Variants in NT5DC3 observed in about 807,000 individuals in gnomAD.
NT5DC3 encodes 5'-nucleotidase domain containing 3, also known as 5'-nucleotidase domain-containing protein 3.
Under a neutral mutation model 67.8 loss-of-function variants are expected in NT5DC3, and 42 were observed. The ratio of observed to expected loss-of-function variants is 0.62; its 90% CI spans 0.48 to 0.80. NT5DC3 has a LOEUF of 0.80. Ranked by LOEUF, NT5DC3 falls within the 30% of genes least tolerant of loss-of-function variation. The pLI, the probability that NT5DC3 is intolerant of heterozygous loss-of-function variation, is 0.00. For missense variants in NT5DC3, 570 were observed against 696.4 expected (o/e 0.82, Z 2.04); for synonymous variants, 237 against 255.6 (o/e 0.93, Z 0.69).
chr12:103,748,921 C>T, the NT5DC3 span: 5 of 1,582,108 alleles, frequency 3.2e-6, no homozygotes, highest in African/African-American at 5.4e-5. Context: ...CCTAGTTCCA[C>T]AGAAGGTGGT....
chr12:103,759,517 C>G, the NT5DC3 span, among the ~76,000 whole-genome samples: 1 of 152,224 alleles, frequency 6.6e-6, no homozygotes, highest in East Asian at 1.9e-4. Context: ...CATTTTAAAG[C>G]TGATTCTCCG....
At chr12:103,766,437 G>A, downstream of NT5DC3, 1 of 1,346,486 alleles carries the variant, frequency 7.4e-7, no homozygotes, top group Non-Finnish European at 1.0e-6. Context: ...AGTCCTTTAA[G>A]CACTCAGAAG....
intron 1 of NT5DC3, among the ~76,000 whole-genome samples, chr12:103,817,385 T>G (rs967533967): frequency 6.6e-6 from 1 of 152,230 alleles, no homozygotes; most frequent in African/African-American, 2.4e-5. Flanking sequence ...CCTTTTATGA[T>G]GTTTATGCAC....
Position 103,780,272 on chromosome 12 carries a change from G to A in NT5DC3, c.1394+28C>T, listed in dbSNP as rs112672469. The A allele has an allele frequency of 1.1e-3, 1,748 of 1,592,824 alleles. 33 individuals are homozygous for A. The South Asian group carries it at 0.018, about 16-fold the overall frequency. On this transcript the variant is annotated intron_variant, in intron 13 of 13. Transcript: ENST00000392876. The stretch of plus-strand genomic sequence containing the variant: ...GCACAGCCAGAACAGGGTGGTGGAC[G>A]CGCACATTCAATACAGGCCTCTCTT...
the NT5DC3 span, among the ~76,000 whole-genome samples, chr12:103,764,848 A>G: frequency 6.6e-6 from 1 of 152,106 alleles, no homozygotes; most frequent in Non-Finnish European, 1.5e-5. Context: ...GTGTAATCCC[A>G]GCACTTTCGG....
At chr12:103,766,087 G>A (rs1287987462), downstream of NT5DC3, 1 of 712,944 alleles carries the variant, frequency 1.4e-6, no homozygotes, top group East Asian at 2.8e-5. Context: ...CTTCAAGCAG[G>A]AGAGACTAAA....
At position 103,791,972 on chromosome 12, in the gene NT5DC3, G is replaced by A. The variant is rs578205693; in HGVS notation, c.1019+1192C>T. ...CCGGCCCCTGGTGCCAAAAAGGTTG[G>A]GGACCCTGTGCCATAGGATGCACAG... is the stretch of plus-strand genomic sequence containing the variant. On this transcript the variant is annotated intron_variant, in intron 9 of 13. Coordinates refer to ENST00000392876, the MANE Select transcript of NT5DC3 (RefSeq NM_001031701.3). Among the ~76,000 whole-genome samples, 6 of 152,270 alleles carry A rather than the reference G, an allele frequency of 3.9e-5. No individual in the cohort carries two copies. In the East Asian group the frequency reaches 9.6e-4, roughly 24 times the overall value.
the NT5DC3 span, chr12:103,750,544 GA>G: frequency 6.2e-7 from 1 of 1,610,038 alleles, no homozygotes; most frequent in Non-Finnish European, 8.5e-7. Flanking sequence ...CCTAGAGAAG[GA>G]ACTTTTTCAT....
At chr12:103,748,709 C>T in the NT5DC3 span, among the ~76,000 whole-genome samples, 3 of 151,608 alleles carry the variant, frequency 2.0e-5, no homozygotes, top group Non-Finnish European at 4.4e-5. Flanking sequence ...ATACCAAAGT[C>T]AAGCCTGGAG....
intron 1 of NT5DC3, among the ~76,000 whole-genome samples, chr12:103,832,659 A>C (rs117653415): frequency 3.9e-5 from 6 of 152,176 alleles, no homozygotes; most frequent in African/African-American, 1.4e-4. Flanking sequence ...AACACTCAGC[A>C]GCAAAAGTCA....
chr12:103,819,074 T>G (rs1472069545), intron 1 of NT5DC3, among the ~76,000 whole-genome samples: 1 of 152,160 alleles, frequency 6.6e-6, no homozygotes, highest in Non-Finnish European at 1.5e-5. Flanking sequence ...TGTGAAGCCC[T>G]CAAGGAAAAA....
At chr12:103,817,933 C>T (rs977941252) in intron 1 of NT5DC3, among the ~76,000 whole-genome samples, 1 of 152,216 alleles carries the variant, frequency 6.6e-6, no homozygotes, top group African/African-American at 2.4e-5. Flanking sequence ...AAGCATTCCT[C>T]TTGCATAGTA....
At chr12:103,780,126 CAT>C (rs376174931) in intron 13 of NT5DC3, among the ~76,000 whole-genome samples, 172 bp downstream of exon 13, 9 of 152,326 alleles carry the variant, frequency 5.9e-5, no homozygotes, top group Non-Finnish European at 7.3e-5. Flanking sequence ...AAATTTGTCA[CAT>C]GTTACCAACA....
chr12:103,777,580 A>T lies in NT5DC3; in HGVS notation c.*249T>A, dbSNP rs1431002408. 3.8e-6 allele frequency: 2 copies of T among 522,806 alleles called. No homozygotes were observed. Among genetic ancestry groups the T allele is most frequent in the Non-Finnish European group, 6.7e-6 (2 of 298,870 alleles). 32.4% of individuals were successfully genotyped at this position (522,806 alleles called of 1,614,324 possible). On this transcript the variant is annotated 3_prime_UTR_variant, in exon 14 of 14. Coordinates refer to ENST00000392876, the MANE Select transcript of NT5DC3 (RefSeq NM_001031701.3). ...AACCTGATGTTCCAGGACCTCAGTA[A>T]ACAAAAAGGCAAAATCAGAGTTCCA...
At chr12:103,786,685 T>TC (rs1480246998) in intron 11 of NT5DC3, among the ~76,000 whole-genome samples, 1 of 148,654 alleles carries the variant, frequency 6.7e-6, no homozygotes, top group Non-Finnish European at 1.5e-5. Context: ...GGTTTGATTT[T>TC]TTTTTTTTTT....
rs117397455 is a variant in NT5DC3, at chr12:103,777,244, G to A, written c.*585C>T. ...GCTTCTCTTGTTCTTTCTCACTTAA[G>A]TCCTTCCAGGGAGGCTGTGTTCTAT... On this transcript the variant is annotated 3_prime_UTR_variant, in exon 14 of 14. Transcript: ENST00000392876. The A allele has an allele frequency of 3.4e-3, 522 of 153,294 alleles. 2 individuals carry two copies. The highest frequency in any genetic ancestry group is 0.01 in the Middle Eastern group (3 of 294). The allele number at this position is 153,294 out of a possible 1,614,324, so 9.5% of individuals were successfully genotyped here. A position where few individuals can be genotyped will look rare whatever the true frequency, so the allele number is the denominator to read the frequency against.
chr12:103,770,340 C>T (rs942146138), downstream of NT5DC3: 1 of 152,138 alleles, frequency 6.6e-6, no homozygotes. Context: ...AAAATCTCAG[C>T]TACAATTCCA....
intron 1 of NT5DC3, among the ~76,000 whole-genome samples, chr12:103,839,279 C>A (rs1373985694): frequency 1.3e-5 from 2 of 152,304 alleles, no homozygotes; most frequent in African/African-American, 4.8e-5. Context: ...CAGGGTCTGG[C>A]TCTGCCAACC....
chr12:103,767,489 T>C (rs575564602), downstream of NT5DC3, among the ~76,000 whole-genome samples: 2 of 152,328 alleles, frequency 1.3e-5, no homozygotes, highest in Non-Finnish European at 1.5e-5. Context: ...CGTACTACCT[T>C]ATGAATATAC....
Sources: gnomAD v4.1 joint callset for allele counts (sites outside exome capture counted in the v4.1 genomes callset) on GRCh38, gnomAD v4.1.1 for gene constraint, MANE v1.5 for transcripts, NCBI Gene and HGNC (gene_info 2026-07-23, HGNC 2026-07-21) for gene names.